The following ATXN7L1 variants were observed in gnomAD, a reference collection of about 807,000 sequenced individuals.
The protein encoded by ATXN7L1 is ataxin-7-like protein 1.
ATXN7L1 carries 15 observed loss-of-function variants against 70.8 expected under a neutral mutation model. That is an observed-to-expected ratio of 0.21 (90% confidence interval 0.14 to 0.33). The LOEUF (loss-of-function observed/expected upper bound fraction) is 0.33. Ranked by LOEUF, ATXN7L1 falls within the 10% of genes least tolerant of loss-of-function variation. The pLI is 1.00. For missense variants in ATXN7L1, 975 were observed against 1,097.1 expected, an observed-to-expected ratio of 0.89 and a Z score of 1.57; for synonymous variants, 440 against 445.1, an observed-to-expected ratio of 0.99 and a Z score of 0.14.
chr7:105,681,197 C>T (rs961842799), intron 3 of ATXN7L1, among the ~76,000 whole-genome samples: 1 of 152,098 alleles, frequency 6.6e-6, no homozygotes, highest in African/African-American at 2.4e-5. Context: ...GAGGCTGAGG[C>T]GGGTGGATCA....
chr7:105,856,496 G>C (rs12056147), intron 2 of ATXN7L1, among the ~76,000 whole-genome samples: 9,278 of 150,126 alleles, frequency 0.062, 541 homozygotes, highest in East Asian at 0.25. Context: ...TGAGGCAGGA[G>C]AATCGCTGGA....
At chr7:105,870,736 G>T (rs1204053646) in intron 2 of ATXN7L1, among the ~76,000 whole-genome samples, 1 of 152,176 alleles carries the variant, frequency 6.6e-6, no homozygotes, top group African/African-American at 2.4e-5. Flanking sequence ...ATTTGAAAAG[G>T]TTAGCACAGA....
In ATXN7L1 at chr7:105,650,662, C is replaced by T. The variant is rs190956111; in HGVS notation, c.579-7541G>A. Among the ~76,000 whole-genome samples the T allele has an allele frequency of 1.6e-4, 24 of 152,312 alleles. No homozygotes were observed. The East Asian group carries it at 3.1e-3, about 20-fold the overall frequency. On this transcript the variant is annotated intron_variant, in intron 4 of 11. Transcript: ENST00000419735. ...GCAGAGCTCGACAGGGACCCACTGC[C>T]GGCCAAGAAGGTCATAGTGTCTTCA...
At chr7:105,637,135 G>A (rs1022027794) in intron 7 of ATXN7L1, among the ~76,000 whole-genome samples, 6 of 152,132 alleles carry the variant, frequency 3.9e-5, no homozygotes, top group African/African-American at 2.4e-5. Flanking sequence ...GAAGTGTTGG[G>A]GATGGCAATT....
intron 3 of ATXN7L1, among the ~76,000 whole-genome samples, chr7:105,677,561 C>G (rs1254543304): frequency 3.3e-5 from 5 of 152,212 alleles, no homozygotes; most frequent in African/African-American, 9.7e-5. Flanking sequence ...AGCACTCACT[C>G]TATTCACTGT....
intron 3 of ATXN7L1, among the ~76,000 whole-genome samples, chr7:105,782,932 T>G (rs1001546202): frequency 1.2e-4 from 19 of 152,222 alleles, no homozygotes; most frequent in African/African-American, 4.1e-4. Flanking sequence ...TTGACTGAAT[T>G]GGTTTTCCCA....
intron 9 of ATXN7L1, among the ~76,000 whole-genome samples, chr7:105,616,664 C>T (rs984209508): frequency 3.9e-5 from 6 of 152,186 alleles, no homozygotes; most frequent in Non-Finnish European, 8.8e-5. Flanking sequence ...TTCTCAGCAG[C>T]ACCATACCCA....
intron 3 of ATXN7L1, among the ~76,000 whole-genome samples, chr7:105,709,852 C>T (rs1449197583): frequency 6.6e-6 from 1 of 151,760 alleles, no homozygotes; most frequent in African/African-American, 2.4e-5. Flanking sequence ...TTCCCCATAC[C>T]CAAATAATAA....
At chr7:105,693,918 C>T (rs962067679) in intron 3 of ATXN7L1, among the ~76,000 whole-genome samples, 42 of 152,170 alleles carry the variant, frequency 2.8e-4, no homozygotes, top group African/African-American at 9.6e-4. Flanking sequence ...GCAAAGGCAA[C>T]TTAGCACATC....
intron 2 of ATXN7L1, among the ~76,000 whole-genome samples, chr7:105,814,588 GT>G (rs1167960846): frequency 3.3e-5 from 5 of 152,100 alleles, no homozygotes; most frequent in African/African-American, 4.8e-5. Context: ...TTTGTTTTTA[GT>G]TTTTTTCTTC....
At chr7:105,683,405 CA>C (rs751875743) in intron 3 of ATXN7L1, among the ~76,000 whole-genome samples, 1 of 152,136 alleles carries the variant, frequency 6.6e-6, no homozygotes, top group Non-Finnish European at 1.5e-5. Flanking sequence ...CAGGGCCAGG[CA>C]CAGTGGGTCA....
At chr7:105,634,178 C>T (rs141634387) in intron 7 of ATXN7L1, among the ~76,000 whole-genome samples, 23 of 152,286 alleles carry the variant, frequency 1.5e-4, no homozygotes, top group Middle Eastern at 3.4e-3. Context: ...GACACAGTCA[C>T]GCAAGTTTGT....
intron 3 of ATXN7L1, among the ~76,000 whole-genome samples, chr7:105,687,394 T>G (rs1790071474): frequency 6.6e-6 from 1 of 152,122 alleles, no homozygotes; most frequent in Non-Finnish European, 1.5e-5. Flanking sequence ...AAGAGGTGAC[T>G]AAGTTAAAAT....
chr7:105,829,766 A>T lies in ATXN7L1; in HGVS notation c.251-41058T>A, dbSNP rs893053626. Among the ~76,000 whole-genome samples, 5 of 152,382 alleles carry T rather than the reference A, an allele frequency of 3.3e-5. No homozygotes were observed. In the South Asian group the frequency reaches 8.3e-4, roughly 25 times the overall value. On this transcript the variant is annotated intron_variant, in intron 2 of 11. Coordinates refer to ENST00000419735, the MANE Select transcript of ATXN7L1 (RefSeq NM_020725.2). ...ATAAAACTTCCTTTTCAAACTGGCC[A>T]AAGACAGAGTATTGTTTACATTCCA...
At chr7:105,813,907 T>C (rs1320930877) in intron 2 of ATXN7L1, among the ~76,000 whole-genome samples, 1 of 152,196 alleles carries the variant, frequency 6.6e-6, no homozygotes, top group Admixed American at 6.5e-5. Flanking sequence ...TTTCTCCATG[T>C]ATCCTGGATT....
Position 105,836,996 on chromosome 7 carries a change from A to G in ATXN7L1, c.250+38816T>C, listed in dbSNP as rs145136621. Among the ~76,000 whole-genome samples, 299 of 152,216 alleles carry G rather than the reference A, an allele frequency of 2.0e-3. 8 individuals are homozygous for G. The East Asian group carries it at 0.045, about 23-fold the overall frequency. ...TCGCTTGAACCCAGGAGGTGGAGGCATGGTACTGACATTGCTCGGCTTCTG... is the reference window on the plus strand; with the variant it reads ...TCGCTTGAACCCAGGAGGTGGAGGCGTGGTACTGACATTGCTCGGCTTCTG... On this transcript the variant is annotated intron_variant, in intron 2 of 11. Transcript: ENST00000419735.
chr7:105,628,427 C>A (rs951219203), intron 7 of ATXN7L1, among the ~76,000 whole-genome samples: 1 of 152,050 alleles, frequency 6.6e-6, no homozygotes, highest in African/African-American at 2.4e-5. Context: ...TAAAGAACTT[C>A]CTATTTTTTG....
At chr7:105,748,828 G>A (rs1043681458) in intron 3 of ATXN7L1, among the ~76,000 whole-genome samples, 2 of 152,224 alleles carry the variant, frequency 1.3e-5, no homozygotes, top group Non-Finnish European at 1.5e-5. Flanking sequence ...GAGATCGTCA[G>A]GTGGTCTCAT....
intron 7 of ATXN7L1, among the ~76,000 whole-genome samples, chr7:105,632,524 A>AAATTATCC (rs1456185075): frequency 6.6e-6 from 1 of 152,196 alleles, no homozygotes; most frequent in Non-Finnish European, 1.5e-5. Context: ...AGTGGGGAGA[A>AAATTATCC]AATTATCCAA....
Sources: gnomAD v4.1 joint callset for allele counts (sites outside exome capture counted in the v4.1 genomes callset) on GRCh38, gnomAD v4.1.1 for gene constraint, MANE v1.5 for transcripts, NCBI Gene and HGNC (gene_info 2026-07-23, HGNC 2026-07-21) for gene names.